The following WDR27 variants were observed in gnomAD, a reference collection of about 807,000 sequenced individuals.
The protein encoded by WDR27 is WD repeat domain 27.
A neutral mutation model predicts 114.4 loss-of-function variants in WDR27; 100 were observed. The ratio of observed to expected loss-of-function variants is 0.87; its 90% CI spans 0.74 to 1.03. The LOEUF is 1.03. Among genes scored for constraint, WDR27 ranks in the 50% least tolerant of loss-of-function variants. The probability of loss-of-function intolerance (pLI) is 0.00; values close to 1 mark genes in which losing one functional copy is unlikely to be tolerated. For synonymous variants in WDR27, 449 were observed against 423.1 expected (o/e 1.06, Z -0.75); for missense variants, 1,129 against 1,092.9 (o/e 1.03, Z -0.47).
At chr6:169,455,938 A>C (rs1583540620), downstream of WDR27, among the ~76,000 whole-genome samples, 1 of 151,948 alleles carries the variant, frequency 6.6e-6, no homozygotes, top group Non-Finnish European at 1.5e-5. Context: ...ATTTAGATTA[A>C]ATAATTTTAT....
intron 2 of WDR27, among the ~76,000 whole-genome samples, chr6:169,685,348 C>T (rs543440903): frequency 1.3e-5 from 2 of 150,280 alleles, no homozygotes; most frequent in East Asian, 3.9e-4. Context: ...TAACAGACAC[C>T]AATCATAAGA....
At chr6:169,431,453 T>C in the WDR27 span, among the ~76,000 whole-genome samples, 1 of 152,150 alleles carries the variant, frequency 6.6e-6, no homozygotes, top group Non-Finnish European at 1.5e-5. Context: ...CCAGGTCACC[T>C]TTCTCCTATG....
intron 25 of WDR27, among the ~76,000 whole-genome samples, chr6:169,489,756 A>G (rs1228182051): frequency 1.3e-5 from 2 of 152,218 alleles, no homozygotes; most frequent in African/African-American, 4.8e-5. Flanking sequence ...AGATGGTTGC[A>G]ATGTGTGGCC....
rs542231839 is a variant in WDR27 at position 169,680,695 on chromosome 6, G to A, written c.189+8122C>T. On this transcript the variant is annotated intron_variant, in intron 2 of 25. Coordinates refer to ENST00000448612, the MANE Select transcript of WDR27 (RefSeq NM_182552.5). ...TTTGTAGCATATGCAAAAGTAAAAT[G>A]CATGACAACAAAAACATAAAAGTTG... is the stretch of plus-strand genomic sequence containing the variant. Among the ~76,000 whole-genome samples, 20 of 152,262 alleles carry A rather than the reference G, an allele frequency of 1.3e-4. No homozygotes were observed. In the South Asian group the frequency reaches 1.4e-3, roughly 11 times the overall value.
At chr6:169,474,678 T>TA (rs142063952) in intron 25 of WDR27, among the ~76,000 whole-genome samples, 3,345 of 149,448 alleles carry the variant, frequency 0.022, 87 homozygotes, top group African/African-American at 0.06. Flanking sequence ...GTTCTACAAT[T>TA]AAAAAAAAAC....
the WDR27 span, among the ~76,000 whole-genome samples, chr6:169,430,393 TGAAA>T: frequency 6.6e-6 from 1 of 152,042 alleles, no homozygotes. Context: ...ATGTGTGGTG[TGAAA>T]GAAAGGAAGG....
At chr6:169,452,222 G>A (rs1164065027), downstream of WDR27, among the ~76,000 whole-genome samples, 1 of 152,204 alleles carries the variant, frequency 6.6e-6, no homozygotes, top group African/African-American at 2.4e-5. Context: ...TGCAATGCTC[G>A]GAGTCACCCA....
chr6:169,599,597 G>A (rs1341196083), intron 23 of WDR27, among the ~76,000 whole-genome samples: 1 of 152,118 alleles, frequency 6.6e-6, no homozygotes, highest in Non-Finnish European at 1.5e-5. Context: ...CTGTGGGATT[G>A]GTGGTGATAT....
chr6:169,615,031 A>G (rs892877917), intron 21 of WDR27, among the ~76,000 whole-genome samples: 3 of 152,222 alleles, frequency 2.0e-5, no homozygotes, highest in Admixed American at 1.3e-4. Context: ...GTTCAATCCA[A>G]TAGAGGGTGA....
In WDR27 at chr6:169,684,101, C is replaced by G. The variant is rs1283504902; in HGVS notation, c.189+4716G>C. Among the ~76,000 whole-genome samples the G allele has an allele frequency of 6.6e-6, 1 of 152,252 alleles. No individual in the cohort carries two copies. Among genetic ancestry groups the G allele is most frequent in the African/African-American group, 2.4e-5 (1 of 41,550 alleles). On this transcript the variant is annotated intron_variant, in intron 2 of 25. Transcript: ENST00000448612. The surrounding 1 kb of genome is among the most constrained non-coding windows in gnomAD (Gnocchi z 4.3). ...AACCCCAGTTGCATGGAGCCTGGGACCAGGATCGGCTGTTGAGACTGGCCC... is the reference window on the plus strand; with the variant it reads ...AACCCCAGTTGCATGGAGCCTGGGAGCAGGATCGGCTGTTGAGACTGGCCC...
At chr6:169,632,898 T>C in intron 21 of WDR27, 49 bp downstream of exon 21, 1 of 1,538,178 alleles carries the variant, frequency 6.5e-7, no homozygotes, top group Non-Finnish European at 8.8e-7. Context: ...TTAAATGCTT[T>C]AAGCACATAG....
chr6:169,485,807 G>A (rs1326595291), intron 25 of WDR27, among the ~76,000 whole-genome samples: 2 of 152,156 alleles, frequency 1.3e-5, no homozygotes, highest in African/African-American at 2.4e-5. Context: ...GGACATATAC[G>A]CCACAGAACA....
intron 21 of WDR27, among the ~76,000 whole-genome samples, chr6:169,632,032 A>G (rs1035401346): frequency 1.5e-4 from 23 of 151,800 alleles, no homozygotes; most frequent in African/African-American, 4.6e-4. Flanking sequence ...TAAAAATACA[A>G]AACAAATTAG....
chr6:169,628,215 C>T (rs1465376895), intron 21 of WDR27, among the ~76,000 whole-genome samples: 1 of 152,126 alleles, frequency 6.6e-6, no homozygotes, highest in Non-Finnish European at 1.5e-5. Flanking sequence ...AAGGCCCCGC[C>T]ACTCAAGCAG....
the WDR27 span, among the ~76,000 whole-genome samples, chr6:169,437,522 A>T: frequency 1.3e-5 from 2 of 152,230 alleles, no homozygotes; most frequent in African/African-American, 4.8e-5. Flanking sequence ...TAGGAAAAAA[A>T]TTCATTTCTC....
intron 21 of WDR27, among the ~76,000 whole-genome samples, chr6:169,624,880 G>C (rs1477816816): frequency 6.6e-6 from 1 of 152,194 alleles, no homozygotes; most frequent in African/African-American, 2.4e-5. Flanking sequence ...CAGGAACACA[G>C]GTTCCCTTGA....
chr6:169,534,050 T>G (rs1795934828), intron 25 of WDR27, among the ~76,000 whole-genome samples: 2 of 152,186 alleles, frequency 1.3e-5, no homozygotes. Flanking sequence ...TTTATTAGGT[T>G]AAGGAAGCCC....
chr6:169,618,528 A>G (rs1440586385), intron 21 of WDR27, among the ~76,000 whole-genome samples: 1 of 152,028 alleles, frequency 6.6e-6, no homozygotes, highest in Non-Finnish European at 1.5e-5. Flanking sequence ...ATACAATACT[A>G]AAATGAATTT....
chr6:169,458,664 G>A (rs1421379725), intron 25 of WDR27, among the ~76,000 whole-genome samples: 1 of 152,006 alleles, frequency 6.6e-6, no homozygotes, highest in Non-Finnish European at 1.5e-5. Context: ...GCAGGCACCT[G>A]TAATCCCAGC....
Sources: gnomAD v4.1 joint callset for allele counts (sites outside exome capture counted in the v4.1 genomes callset) on GRCh38, gnomAD v4.1.1 for gene constraint, Gnocchi (gnomAD v3.1) non-coding constraint, MANE v1.5 for transcripts, NCBI Gene and HGNC (gene_info 2026-07-23, HGNC 2026-07-21) for gene names.